Variants in PATJ observed in about 807,000 individuals in gnomAD.
PATJ encodes PATJ crumbs cell polarity complex component.
In PATJ, 190 loss-of-function variants were observed where a neutral mutation model predicts 224.9. The observed-to-expected ratio is 0.84, with a 90% CI of 0.75 to 0.95. The LOEUF (loss-of-function observed/expected upper bound fraction) is 0.95. PATJ is among the 40% of genes least tolerant of loss of function. The pLI, the probability that PATJ is intolerant of heterozygous loss-of-function variation, is 0.00. For missense variants in PATJ, 2,121 were observed against 2,270.3 expected (o/e 0.93, Z 1.34); for synonymous variants, 769 against 820.3 (o/e 0.94, Z 1.07).
intron 41 of PATJ, among the ~76,000 whole-genome samples, chr1:62,140,242 T>G (rs1010420301): frequency 4.6e-5 from 7 of 152,168 alleles, no homozygotes; most frequent in African/African-American, 1.7e-4. Context: ...ATTATCAGTT[T>G]TTTTCATTTC....
At chr1:62,006,273 C>T (rs1475694408) in intron 28 of PATJ, among the ~76,000 whole-genome samples, 1 of 152,152 alleles carries the variant, frequency 6.6e-6, no homozygotes, top group African/African-American at 2.4e-5. Context: ...TGCCGCCACA[C>T]CCCACTAATT....
chr1:61,873,158 A>C (rs953146086), intron 20 of PATJ, among the ~76,000 whole-genome samples: 2 of 152,008 alleles, frequency 1.3e-5, no homozygotes, highest in African/African-American at 4.8e-5. Flanking sequence ...TGTACTGATA[A>C]AATTTCTTAT....
chr1:61,870,572 T>C (rs1666183972), intron 20 of PATJ, among the ~76,000 whole-genome samples: 1 of 152,208 alleles, frequency 6.6e-6, no homozygotes, highest in Non-Finnish European at 1.5e-5. Flanking sequence ...ATACCAACTC[T>C]GAGGTTCCTA....
intron 42 of PATJ, among the ~76,000 whole-genome samples, chr1:62,153,049 AG>A (rs1039990752): frequency 7.8e-5 from 8 of 102,572 alleles, no homozygotes; most frequent in African/African-American, 4.0e-4. Flanking sequence ...GAAAAAAAAA[AG>A]AGTTAAAAAC....
At chr1:61,891,968 C>T (rs541213165) in intron 22 of PATJ, among the ~76,000 whole-genome samples, 11 of 152,272 alleles carry the variant, frequency 7.2e-5, no homozygotes, top group African/African-American at 2.4e-4. Context: ...AACACATGTA[C>T]ATGTAGTCAT....
intron 27 of PATJ, among the ~76,000 whole-genome samples, chr1:61,978,196 T>TCTTC (rs142507580): frequency 3.9e-4 from 54 of 137,970 alleles, no homozygotes; most frequent in African/African-American, 1.4e-3. Flanking sequence ...CATCTTCATA[T>TCTTC]CTTCCTTCCT....
intron 28 of PATJ, among the ~76,000 whole-genome samples, chr1:62,010,525 A>G (rs1646385760): frequency 6.6e-6 from 1 of 150,642 alleles, no homozygotes; most frequent in South Asian, 2.1e-4. Context: ...TATGAGTGAG[A>G]ACATGATATT....
At chr1:62,060,801 C>T (rs1655295651) in intron 31 of PATJ, among the ~76,000 whole-genome samples, 1 of 152,188 alleles carries the variant, frequency 6.6e-6, no homozygotes, top group Non-Finnish European at 1.5e-5. Context: ...CTCAGCCTCC[C>T]AGAGTGTTGG....
rs115541969 is a variant in PATJ, at chr1:62,161,271, T to C, written c.*217T>C. The C allele has an allele frequency of 6.3e-3, 2,498 of 399,530 alleles. 12 individuals carry two copies. The highest frequency in any genetic ancestry group is 0.024 in the African/African-American group (1,172 of 48,598). 24.7% of individuals were successfully genotyped at this position (399,530 alleles called of 1,614,324 possible). A position where few individuals can be genotyped will look rare whatever the true frequency, so the allele number is the denominator to read the frequency against. On this transcript the variant is annotated 3_prime_UTR_variant, in exon 44 of 44. Transcript: ENST00000642238. ...CAGTTCCTGTCACCTGTTGGCGAGG[T>C]TGATTTCTAAAACTTAAATGAGTCT... is the stretch of plus-strand genomic sequence containing the variant.
intron 28 of PATJ, among the ~76,000 whole-genome samples, chr1:62,000,203 T>G (rs1235928744): frequency 4.8e-4 from 64 of 133,228 alleles, no homozygotes; most frequent in African/African-American, 1.7e-3. Context: ...GTTTTTTGTT[T>G]TTTTTTTTTT....
chr1:62,103,712 C>T (rs1264935318), intron 33 of PATJ, among the ~76,000 whole-genome samples: 1 of 151,710 alleles, frequency 6.6e-6, no homozygotes, highest in African/African-American at 2.4e-5. Context: ...CGAGATTGCA[C>T]CATTGCACTC....
At chr1:61,749,666 C>T (rs1381986550) in intron 1 of PATJ, among the ~76,000 whole-genome samples, 1 of 151,292 alleles carries the variant, frequency 6.6e-6, no homozygotes, top group Non-Finnish European at 1.5e-5. Context: ...AATAACACCC[C>T]TCACCGCAGC....
At chr1:62,150,457 C>T (rs1452795565) in intron 42 of PATJ, among the ~76,000 whole-genome samples, 1 of 151,932 alleles carries the variant, frequency 6.6e-6, no homozygotes, top group Non-Finnish European at 1.5e-5. Flanking sequence ...TGGGGCATAA[C>T]TCAGTTAAGG....
intron 11 of PATJ, among the ~76,000 whole-genome samples, chr1:61,798,074 G>A (rs1396703127): frequency 6.6e-6 from 1 of 152,208 alleles, no homozygotes; most frequent in African/African-American, 2.4e-5. Flanking sequence ...CCAACATGCT[G>A]TAATTACACG....
chr1:62,051,180 A>C (rs112094520), intron 31 of PATJ, 122 bp downstream of exon 31: 116 of 723,456 alleles, frequency 1.6e-4, no homozygotes, highest in Non-Finnish European at 2.5e-4. Context: ...CGTCTGTGAG[A>C]CAAGAAGCTA....
intron 33 of PATJ, among the ~76,000 whole-genome samples, chr1:62,088,097 G>A (rs1329446530): frequency 1.3e-5 from 2 of 151,892 alleles, no homozygotes; most frequent in Admixed American, 1.3e-4. Context: ...CTCCATGTTG[G>A]TCAGGCTGGT....
chr1:61,992,120 T>G (rs1645101340), intron 28 of PATJ, among the ~76,000 whole-genome samples: 4 of 150,506 alleles, frequency 2.7e-5, no homozygotes. Flanking sequence ...TGGGATTCTT[T>G]TTTTTTTTTT....
At chr1:61,914,464 G>T (rs1673140172) in intron 25 of PATJ, 123 bp from the exon 26 acceptor site, 1 of 485,812 alleles carries the variant, frequency 2.1e-6, no homozygotes, top group East Asian at 3.6e-5. Flanking sequence ...CTCAGAAAAA[G>T]AAAAAAACAG....
chr1:61,969,343 C>T (rs559857362), intron 27 of PATJ, among the ~76,000 whole-genome samples: 17 of 152,308 alleles, frequency 1.1e-4, no homozygotes, highest in Admixed American at 2.0e-4. Flanking sequence ...ATCCTACCAA[C>T]GATGCATAAA....
Sources: allele counts gnomAD v4.1 joint callset (sites outside exome capture counted in the v4.1 genomes callset), GRCh38; gene constraint gnomAD v4.1.1; transcripts MANE v1.5; gene names NCBI Gene and HGNC (gene_info 2026-07-23, HGNC 2026-07-21).